Variants in TRPC5 observed in about 807,000 individuals in gnomAD.
TRPC5 encodes the protein short transient receptor potential channel 5.
Under a neutral mutation model 56.5 loss-of-function variants are expected in TRPC5, and 9 were observed. The ratio of observed to expected loss-of-function variants is 0.16; its 90% CI spans 0.10 to 0.28. The LOEUF (loss-of-function observed/expected upper bound fraction) is 0.28. Among genes scored for constraint, TRPC5 ranks in the 10% least tolerant of loss-of-function variants. The probability of loss-of-function intolerance (pLI) is 1.00; values close to 1 mark genes in which losing one functional copy is unlikely to be tolerated. For missense variants in TRPC5, 469 were observed against 748.9 expected (o/e 0.63, Z 4.36); for synonymous variants, 282 against 278.5 (o/e 1.01, Z -0.13).
intron 2 of TRPC5, among the ~76,000 whole-genome samples, chrX:111,934,024 T>A (rs910964829): frequency 1.8e-5 from 2 of 110,929 alleles, no homozygotes; most frequent in South Asian, 3.8e-4. Context: ...ATTCTGAGAA[T>A]TAACCCCATG....
At chrX:111,941,172 C>T (rs1026768596) in intron 2 of TRPC5, among the ~76,000 whole-genome samples, 12 of 112,096 alleles carry the variant, frequency 1.1e-4, no homozygotes, top group Admixed American at 9.5e-5. Context: ...ACCGTTCCTT[C>T]AATGTGCCTG....
chrX:111,786,658 T>C (rs1399709575), intron 7 of TRPC5, among the ~76,000 whole-genome samples: 2 of 110,487 alleles, frequency 1.8e-5, no homozygotes, highest in African/African-American at 6.6e-5. Context: ...GTGTGCTGTA[T>C]TCAGGAGACC....
chrX:111,851,059 C>T (rs1923070391), intron 5 of TRPC5, among the ~76,000 whole-genome samples: 1 of 112,108 alleles, frequency 8.9e-6, no homozygotes, highest in South Asian at 3.7e-4. Flanking sequence ...CCAGCTTTTT[C>T]TCTTAAGGAA....
intron 1 of TRPC5, among the ~76,000 whole-genome samples, chrX:111,958,274 C>A (rs1056844932): frequency 6.2e-5 from 7 of 112,128 alleles, no homozygotes; most frequent in Non-Finnish European, 1.1e-4. Flanking sequence ...TTCTACATCT[C>A]ACTATCCTAG....
In TRPC5 at chrX:111,865,773, C is replaced by T. The variant is rs144517751; in HGVS notation, c.901-11667G>A. On this transcript the variant is annotated intron_variant, in intron 3 of 10. Transcript: ENST00000262839. ...TGAATGAGTGATTGAATAAATAGCT[C>T]TGTGCTGGATAAATCTTGGTGGAAT... 1.1e-3 allele frequency among the ~76,000 whole-genome samples: 129 copies of T among 112,257 alleles called. 1 individual carries two copies. The East Asian group carries it at 0.026, about 23-fold the overall frequency.
intron 1 of TRPC5, among the ~76,000 whole-genome samples, chrX:112,002,010 C>T (rs1362795233): frequency 8.9e-6 from 1 of 111,817 alleles, no homozygotes; most frequent in Non-Finnish European, 1.9e-5. Flanking sequence ...TTTCCATCTC[C>T]TTTCACCTGA....
chrX:111,849,174 C>T lies in TRPC5; in HGVS notation c.1378-1738G>A, dbSNP rs772879396. The stretch of plus-strand genomic sequence containing the variant: ...CATAATTTGGGATTTTCTCTCTCCT[C>T]ATCCAGAACTGTAACCTCAGGGATG... On this transcript the variant is annotated intron_variant, in intron 5 of 10. Coordinates refer to ENST00000262839, the MANE Select transcript of TRPC5 (RefSeq NM_012471.3). Among the ~76,000 whole-genome samples the T allele has an allele frequency of 8.9e-5, 10 of 112,346 alleles. No homozygotes were observed. The South Asian group carries it at 3.4e-3, about 38-fold the overall frequency.
intron 2 of TRPC5, among the ~76,000 whole-genome samples, chrX:111,927,099 A>G (rs778758781): frequency 5.3e-5 from 6 of 112,249 alleles, no homozygotes; most frequent in African/African-American, 1.6e-4. Context: ...GGGTTTCTCA[A>G]CCTCAGCATT....
chrX:111,879,364 A>T (rs1227310933), intron 3 of TRPC5, among the ~76,000 whole-genome samples: 2 of 112,247 alleles, frequency 1.8e-5, no homozygotes, highest in Non-Finnish European at 3.8e-5. Context: ...CTGTGGTCCC[A>T]GGAAGATGTT....
chrX:111,827,111 T>G (rs1276004234), intron 7 of TRPC5, among the ~76,000 whole-genome samples: 1 of 111,592 alleles, frequency 9.0e-6, no homozygotes, highest in Non-Finnish European at 1.9e-5. Flanking sequence ...TATTAGCATA[T>G]TGGGAATAAT....
Position 111,952,209 on chromosome X carries a change from C to T in TRPC5, c.212G>A (p.Arg71Gln). 2 of 1,211,777 alleles carry T rather than the reference C, an allele frequency of 1.7e-6. No individual in the cohort carries two copies. Among genetic ancestry groups the T allele is most frequent in the Non-Finnish European group, 2.2e-6 (2 of 895,553 alleles). The change falls in exon 2 of 11, where the codon CGG becomes CAG. Residue 71 changes from arginine to glutamine, a missense_variant. Around this residue, in one of 3 missense-constraint regions of TRPC5, gnomAD observed 118 missense variants for 167.1 expected, o/e 0.71. Coordinates refer to ENST00000262839, the MANE Select transcript of TRPC5 (RefSeq NM_012471.3). The part of the protein sequence containing the change: ...VNINCMDPLG[R>Q]SALLIAIENE... ...CTCAATGGCAATGAGCAGGGCACTC[C>T]GGCCCAAGGGGTCCATGCAGTTGAT...
chrX:111,881,665 G>A (rs1477323007), intron 3 of TRPC5, among the ~76,000 whole-genome samples: 1 of 110,831 alleles, frequency 9.0e-6, no homozygotes, highest in African/African-American at 3.3e-5. Context: ...AAATACATCT[G>A]GTTGCAAAGG....
chrX:112,003,453 G>A (rs1928752205), intron 1 of TRPC5, among the ~76,000 whole-genome samples: 1 of 110,890 alleles, frequency 9.0e-6, no homozygotes, highest in African/African-American at 3.3e-5. Context: ...AGCAAGGCCA[G>A]GGTGGCTGGA....
chrX:111,945,063 T>C (rs148560682), intron 2 of TRPC5, among the ~76,000 whole-genome samples: 2,712 of 110,705 alleles, frequency 0.024, 96 homozygotes, highest in African/African-American at 0.084. Context: ...AACTCCAAGA[T>C]TCTGAATCTG....
At chrX:111,829,239 T>G (rs1349928898) in intron 7 of TRPC5, among the ~76,000 whole-genome samples, 6 of 100,408 alleles carry the variant, frequency 6.0e-5, no homozygotes, top group African/African-American at 2.3e-4. Context: ...GAGGAAGAGG[T>G]TGCAGTGAGC....
intron 2 of TRPC5, among the ~76,000 whole-genome samples, chrX:111,913,358 G>T (rs1001182293): frequency 9.0e-6 from 1 of 111,398 alleles, no homozygotes; most frequent in African/African-American, 3.3e-5. Context: ...GAGCAGTAGA[G>T]ACTATATATA....
intron 3 of TRPC5, among the ~76,000 whole-genome samples, chrX:111,891,809 G>A (rs1290405834): frequency 9.0e-6 from 1 of 111,559 alleles, no homozygotes; most frequent in Non-Finnish European, 1.9e-5. Flanking sequence ...GGCCTCCCAA[G>A]GTACTGGGAT....
intron 1 of TRPC5, among the ~76,000 whole-genome samples, chrX:112,042,232 A>G (rs895032222): frequency 3.6e-5 from 4 of 111,644 alleles, no homozygotes; most frequent in African/African-American, 1.3e-4. Context: ...TGCCCATGAA[A>G]TGACCGTGTT....
At chrX:111,968,409 C>T (rs1393882262) in intron 1 of TRPC5, among the ~76,000 whole-genome samples, 4 of 111,582 alleles carry the variant, frequency 3.6e-5, no homozygotes, top group East Asian at 2.8e-4. Context: ...TTGTGGAAGT[C>T]GGTGTGGCAA....
Sources: gnomAD v4.1 joint callset for allele counts (sites outside exome capture counted in the v4.1 genomes callset) on GRCh38, gnomAD v4.1.1 for gene constraint, gnomAD v4.1.1 regional missense constraint, MANE v1.5 for transcripts, NCBI Gene and HGNC (gene_info 2026-07-23, HGNC 2026-07-21) for gene names.